PLCB1: variants seen among roughly 807,000 people sequenced by gnomAD.
The protein encoded by PLCB1 is 1-phosphatidylinositol 4,5-bisphosphate phosphodiesterase beta-1.
A neutral mutation model predicts 161.8 loss-of-function variants in PLCB1; 46 were observed. That is an observed-to-expected ratio of 0.28 (90% CI 0.22 to 0.36). The LOEUF is 0.36. PLCB1 is among the 10% of genes least tolerant of loss of function. The pLI is 1.00. For missense variants in PLCB1, 1,016 were observed against 1,472.5 expected (o/e 0.69, Z 5.07); for synonymous variants, 517 against 503.7 (o/e 1.03, Z -0.35).
At chr20:8,847,000 A>G (rs955535831) in intron 31 of PLCB1, among the ~76,000 whole-genome samples, 10 of 152,340 alleles carry the variant, frequency 6.6e-5, no homozygotes, top group Non-Finnish European at 1.3e-4. Context: ...TATTGGAATC[A>G]GAGGAGCTTT....
chr20:8,491,077 C>A (rs960854673), intron 3 of PLCB1, among the ~76,000 whole-genome samples: 1 of 151,572 alleles, frequency 6.6e-6, no homozygotes, highest in African/African-American at 2.4e-5. Context: ...ATCTAGTTAT[C>A]AATTTGTTCT....
chr20:8,536,182 T>C (rs773554322), intron 3 of PLCB1, among the ~76,000 whole-genome samples: 34 of 152,146 alleles, frequency 2.2e-4, no homozygotes, highest in Non-Finnish European at 4.7e-4. Flanking sequence ...TTTTCTCTTC[T>C]CTAGTTTCCA....
At chr20:8,262,438 C>A (rs1981747620) in intron 2 of PLCB1, among the ~76,000 whole-genome samples, 1 of 152,018 alleles carries the variant, frequency 6.6e-6, no homozygotes, top group South Asian at 2.1e-4. Context: ...TAGAGGGATG[C>A]AGCAGTGGGG....
At chr20:8,722,826 G>A (rs1979721470) in intron 15 of PLCB1, among the ~76,000 whole-genome samples, 1 of 152,052 alleles carries the variant, frequency 6.6e-6, no homozygotes, top group Non-Finnish European at 1.5e-5. Context: ...AACAGAGAGA[G>A]ACCTCACGCC....
chr20:8,649,805 A>G, intron 7 of PLCB1: 1 of 239,144 alleles, frequency 4.2e-6, no homozygotes, highest in Non-Finnish European at 8.4e-6. Context: ...TGATTCCTAT[A>G]TATTATACAG....
At chr20:8,535,865 G>A (rs1338817690) in intron 3 of PLCB1, among the ~76,000 whole-genome samples, 2 of 152,156 alleles carry the variant, frequency 1.3e-5, no homozygotes, top group Non-Finnish European at 2.9e-5. Flanking sequence ...AACTTTAGTT[G>A]CAGGATCTCT....
chr20:8,623,055 G>A (rs1429454944), intron 3 of PLCB1, among the ~76,000 whole-genome samples: 1 of 152,048 alleles, frequency 6.6e-6, no homozygotes, highest in African/African-American at 2.4e-5. Flanking sequence ...CTGCCTGAAT[G>A]CCCTCCAGCA....
chr20:8,850,518 T>C (rs1331085568), intron 31 of PLCB1, among the ~76,000 whole-genome samples: 2 of 152,200 alleles, frequency 1.3e-5, no homozygotes, highest in Non-Finnish European at 2.9e-5. Context: ...GTTGCTATGG[T>C]TTGAATATAT....
chr20:8,657,564 G>A (rs1246000011), intron 8 of PLCB1, among the ~76,000 whole-genome samples: 1 of 151,978 alleles, frequency 6.6e-6, no homozygotes, highest in Non-Finnish European at 1.5e-5. Flanking sequence ...GGTAGAACAG[G>A]GAGTCATCTT....
At chr20:8,259,443 C>T (rs986957277) in intron 2 of PLCB1, among the ~76,000 whole-genome samples, 3 of 151,934 alleles carry the variant, frequency 2.0e-5, no homozygotes, top group African/African-American at 7.3e-5. Context: ...ATGACAAACC[C>T]TATCTCTACT....
intron 31 of PLCB1, among the ~76,000 whole-genome samples, chr20:8,811,733 C>T (rs765883284): frequency 6.6e-5 from 10 of 152,214 alleles, no homozygotes; most frequent in Non-Finnish European, 1.3e-4. Context: ...ACATCATGAT[C>T]GTCAGAGCCG....
intron 3 of PLCB1, among the ~76,000 whole-genome samples, chr20:8,459,414 C>T (rs185747568): frequency 5.3e-5 from 8 of 152,258 alleles, no homozygotes; most frequent in Non-Finnish European, 1.0e-4. Flanking sequence ...GATGCTTGAA[C>T]CCCTAGTCTG....
intron 3 of PLCB1, among the ~76,000 whole-genome samples, chr20:8,372,543 A>G (rs1166284350): frequency 6.6e-6 from 1 of 152,220 alleles, no homozygotes; most frequent in African/African-American, 2.4e-5. Context: ...AAAAATTAGA[A>G]CTGTATTCAA....
At chr20:8,277,022 G>A (rs1467515409) in intron 2 of PLCB1, among the ~76,000 whole-genome samples, 1 of 130,504 alleles carries the variant, frequency 7.7e-6, no homozygotes, top group African/African-American at 3.0e-5. Flanking sequence ...TATTGTTAGA[G>A]ATGGAGTCTC....
intron 2 of PLCB1, among the ~76,000 whole-genome samples, chr20:8,212,195 G>A (rs771245947): frequency 1.3e-5 from 2 of 151,962 alleles, no homozygotes; most frequent in Non-Finnish European, 2.9e-5. Flanking sequence ...TTGTCACAAG[G>A]GTGATTCATT....
chr20:8,742,509 A>AG (rs1424122918), intron 23 of PLCB1, among the ~76,000 whole-genome samples: 1 of 152,194 alleles, frequency 6.6e-6, no homozygotes, highest in African/African-American at 2.4e-5. Flanking sequence ...AAATGACAAA[A>AG]GAAAACAACA....
intron 26 of PLCB1, among the ~76,000 whole-genome samples, chr20:8,774,002 A>G (rs1277592795): frequency 1.3e-5 from 2 of 152,134 alleles, no homozygotes; most frequent in African/African-American, 4.8e-5. Flanking sequence ...GTTAAGAAAC[A>G]GAACTCAGAT....
At chr20:8,155,013 A>T (rs1289767636) in intron 2 of PLCB1, among the ~76,000 whole-genome samples, 1 of 152,128 alleles carries the variant, frequency 6.6e-6, no homozygotes, top group Non-Finnish European at 1.5e-5. Flanking sequence ...TTTAATCCAT[A>T]TGTAATGTAT....
In PLCB1 at chr20:8,788,680, A is replaced by G; in HGVS notation, c.3236A>G (p.Lys1079Arg). 6.2e-7 allele frequency: 1 copy of G among 1,611,858 alleles called. No homozygotes were observed. Among genetic ancestry groups the G allele is most frequent in the Non-Finnish European group, 8.5e-7 (1 of 1,178,922 alleles). ...AAAATGGATAAAAAGAGGCAGGAGA[A>G]GATAACAGAAGCTAAATCCAAAGAC... ...KKKMDKKRQE[K>R]ITEAKSKDKS... is the part of the protein sequence containing the mutation. Residue 1079 changes from lysine to arginine, a missense_variant, in exon 29 of 32, where the codon AAG becomes AGG. Lys to Arg is a conservative substitution (Grantham distance 26). Coordinates refer to ENST00000338037, the MANE Select transcript of PLCB1 (RefSeq NM_015192.4).
Sources: gnomAD v4.1 joint callset for allele counts (sites outside exome capture counted in the v4.1 genomes callset) on GRCh38, gnomAD v4.1.1 for gene constraint, MANE v1.5 for transcripts, NCBI Gene and HGNC (gene_info 2026-07-23, HGNC 2026-07-21) for gene names.